The following TPO variants were observed in gnomAD, a reference collection of about 807,000 sequenced individuals.
TPO encodes thyroid microsomal antigen.
Under a neutral mutation model 96.9 loss-of-function variants are expected in TPO, and 78 were observed. That is an observed-to-expected ratio of 0.81 (90% CI 0.67 to 0.97). The LOEUF (loss-of-function observed/expected upper bound fraction) is 0.97, where lower values mean the gene tolerates loss of function less well. Among genes scored for constraint, TPO ranks in the 50% least tolerant of loss-of-function variants. The probability of loss-of-function intolerance (pLI) is 0.00; values close to 1 mark genes in which losing one functional copy is unlikely to be tolerated. For missense variants in TPO, 1,252 were observed against 1,274.8 expected, an observed-to-expected ratio of 0.98 and a Z score of 0.27; for synonymous variants, 547 against 538.0, an observed-to-expected ratio of 1.02 and a Z score of -0.23.
At chr2:1,473,271 G>A (rs1032680498) in intron 7 of TPO, among the ~76,000 whole-genome samples, 2 of 152,158 alleles carry the variant, frequency 1.3e-5, no homozygotes, top group African/African-American at 4.8e-5. Context: ...GACAGTCTGG[G>A]TGCGTTTTAT....
upstream of TPO, among the ~76,000 whole-genome samples, chr2:1,412,080 C>T (rs1044454550): frequency 6.6e-6 from 1 of 152,184 alleles, no homozygotes; most frequent in Non-Finnish European, 1.5e-5. Context: ...AGCTGGACTT[C>T]ACCCAACAGC....
intron 7 of TPO, among the ~76,000 whole-genome samples, chr2:1,461,537 G>C (rs948243537): frequency 6.6e-6 from 1 of 152,072 alleles, no homozygotes; most frequent in Non-Finnish European, 1.5e-5. Context: ...AGAAGAACCC[G>C]AGTGGGAGTG....
At chr2:1,455,995 G>A in intron 6 of TPO, 81 bp from the exon 7 acceptor site, 1 of 1,396,030 alleles carries the variant, frequency 7.2e-7, no homozygotes, top group Non-Finnish European at 1.0e-6. Context: ...ACCACACCAG[G>A]AAGTGCATGA....
At chr2:1,480,849 A>ACGTCCCTGCTGCTGCGTCTG (rs1491437363) in intron 8 of TPO, among the ~76,000 whole-genome samples, 40 of 151,292 alleles carry the variant, frequency 2.6e-4, no homozygotes, top group South Asian at 6.3e-4. Context: ...TGTCCTCACC[A>ACGTCCCTGCTGCTGCGTCTG]TACCCACTCT....
At chr2:1,403,005 A>G (rs559045299) in intron 1 of TPO, among the ~76,000 whole-genome samples, 4 of 152,336 alleles carry the variant, frequency 2.6e-5, no homozygotes, top group East Asian at 3.9e-4. Flanking sequence ...GTCACTCGCA[A>G]TATGGGAAAA....
chr2:1,423,896 T>G (rs536530202), intron 3 of TPO, among the ~76,000 whole-genome samples: 26 of 152,154 alleles, frequency 1.7e-4, no homozygotes, highest in Non-Finnish European at 3.5e-4. Flanking sequence ...TCACGCACAC[T>G]TTAATATGTC....
intron 15 of TPO, among the ~76,000 whole-genome samples, chr2:1,524,258 A>ACCTCCTCAAATCCCCACACTGTGTGCAG (rs2125124891): frequency 8.0e-6 from 1 of 124,526 alleles, no homozygotes; most frequent in African/African-American, 3.1e-5. Flanking sequence ...ACTGTGTGCA[A>ACCTCCTCAAATCCCCACACTGTGTGCAG]CCTCCTCAAA....
intron 15 of TPO, among the ~76,000 whole-genome samples, chr2:1,522,183 G>A (rs1266418753): frequency 9.1e-6 from 1 of 109,706 alleles, no homozygotes; most frequent in Non-Finnish European, 1.8e-5. Context: ...ACCATGCCCT[G>A]GCAGTCTCTC....
At position 1,496,124 on chromosome 2, in the gene TPO, C is replaced by T. The variant is rs141612083; in HGVS notation, c.2142C>T (p.Phe714=). The T allele has an allele frequency of 1.2e-6, 2 of 1,614,116 alleles. No individual in the cohort carries two copies. The highest frequency in any genetic ancestry group is 1.7e-6 in the Non-Finnish European group (2 of 1,180,020). Residue 714 remains phenylalanine, a synonymous_variant, in exon 12 of 17, where the codon TTC becomes TTT. Coordinates refer to ENST00000329066, the MANE Select transcript of TPO (RefSeq NM_001206744.2). ...TGGATGCCTTCCAAGTCGGCAAATTCCCCGAAGACTTTGAGTCTTGTGACA... is the reference window on the plus strand; with the variant it reads ...TGGATGCCTTCCAAGTCGGCAAATTTCCCGAAGACTTTGAGTCTTGTGACA... ...VPMDAFQVGK[F]PEDFESCDSI...
At chr2:1,455,394 AC>A (rs1667695778) in intron 6 of TPO, among the ~76,000 whole-genome samples, 1 of 152,118 alleles carries the variant, frequency 6.6e-6, no homozygotes. Context: ...CCATCCCATG[AC>A]GGCACCAACT....
chr2:1,488,534 C>T (rs1284011784), intron 10 of TPO, among the ~76,000 whole-genome samples: 3 of 152,156 alleles, frequency 2.0e-5, no homozygotes, highest in African/African-American at 7.2e-5. Context: ...AGCCTCCTCC[C>T]TGACCTGCCC....
intron 3 of TPO, among the ~76,000 whole-genome samples, chr2:1,426,841 C>T (rs1275112569): frequency 1.3e-5 from 2 of 151,692 alleles, no homozygotes; most frequent in South Asian, 4.2e-4. Flanking sequence ...ACTTTAGAGC[C>T]GAAAAGGAAA....
intron 5 of TPO, among the ~76,000 whole-genome samples, chr2:1,440,525 C>G (rs1162337673): frequency 2.0e-5 from 3 of 149,512 alleles, no homozygotes; most frequent in Non-Finnish European, 4.5e-5. Flanking sequence ...GCCGCAGGAG[C>G]TACCTTGTTG....
chr2:1,437,123 A>T (rs1288387072), intron 5 of TPO, among the ~76,000 whole-genome samples: 1 of 152,222 alleles, frequency 6.6e-6, no homozygotes, highest in Admixed American at 6.5e-5. Flanking sequence ...TTAAAGGATG[A>T]GTGGGCATTT....
At chr2:1,395,597 T>C (rs1662067334) in intron 1 of TPO, among the ~76,000 whole-genome samples, 1 of 152,204 alleles carries the variant, frequency 6.6e-6, no homozygotes, top group South Asian at 2.1e-4. Context: ...GTGTCGTTAA[T>C]GAGTGGTCTG....
chr2:1,485,485 T>A (rs540839548), intron 9 of TPO, among the ~76,000 whole-genome samples: 1 of 152,088 alleles, frequency 6.6e-6, no homozygotes, highest in Admixed American at 6.5e-5. Flanking sequence ...CGCCACACTG[T>A]CTTCCACAAT....
chr2:1,440,468 T>G (rs753798470), intron 5 of TPO, among the ~76,000 whole-genome samples: 1 of 152,244 alleles, frequency 6.6e-6, no homozygotes, highest in Non-Finnish European at 1.5e-5. Context: ...GAATGATTTT[T>G]CTTTCACCAT....
At chr2:1,516,247 CTCTG>C (rs1465043970) in intron 14 of TPO, among the ~76,000 whole-genome samples, 9 of 152,206 alleles carry the variant, frequency 5.9e-5, no homozygotes, top group African/African-American at 2.2e-4. Context: ...GCCTGCACTT[CTCTG>C]TCTGATTCCC....
chr2:1,540,997 A>C lies in TPO; in HGVS notation c.2748+274A>C. On this transcript the variant is annotated intron_variant, in intron 16 of 16. Coordinates refer to ENST00000329066, the MANE Select transcript of TPO (RefSeq NM_001206744.2). ...ACTTTCAGGCGTTTGCTTCCACTTAATCTGAGGATCGGCTGGAAGCACAGG... is the reference window on the plus strand; with the variant it reads ...ACTTTCAGGCGTTTGCTTCCACTTACTCTGAGGATCGGCTGGAAGCACAGG... 5 of 1,411,400 alleles carry C rather than the reference A, an allele frequency of 3.5e-6. No homozygotes were observed. In the East Asian group the frequency reaches 9.2e-5, roughly 26 times the overall value. The allele number at this position is 1,411,400 out of a possible 1,614,324, so 87.4% of individuals were successfully genotyped here.
Sources: allele counts gnomAD v4.1 joint callset (sites outside exome capture counted in the v4.1 genomes callset), GRCh38; gene constraint gnomAD v4.1.1; transcripts MANE v1.5; gene names NCBI Gene and HGNC (gene_info 2026-07-23, HGNC 2026-07-21).